CUX1: variants seen among roughly 807,000 people sequenced by gnomAD.
The protein encoded by CUX1 is protein CASP.
CUX1 carries 31 observed loss-of-function variants against 158.8 expected under a neutral mutation model. That is an observed-to-expected ratio of 0.20 (90% confidence interval 0.15 to 0.26). The LOEUF (loss-of-function observed/expected upper bound fraction) is 0.26, where lower values mean the gene tolerates loss of function less well. CUX1 is among the 10% of genes least tolerant of loss of function. The pLI is 1.00. For synonymous variants in CUX1, 879 were observed against 862.1 expected, an observed-to-expected ratio of 1.02 and a Z score of -0.34; for missense variants, 1,589 against 2,014.6, an observed-to-expected ratio of 0.79 and a Z score of 4.04.
At chr7:102,109,030 A>G (rs1293558531) in intron 6 of CUX1, among the ~76,000 whole-genome samples, 1 of 152,188 alleles carries the variant, frequency 6.6e-6, no homozygotes, top group Non-Finnish European at 1.5e-5. Flanking sequence ...CTGGGATTAC[A>G]GGCGTCATTC....
intron 3 of CUX1, among the ~76,000 whole-genome samples, chr7:102,063,098 C>T (rs751803621): frequency 2.0e-5 from 3 of 147,928 alleles, no homozygotes; most frequent in Non-Finnish European, 4.4e-5. Context: ...AGCGAGATTC[C>T]GTCTCTAAAT....
chr7:102,016,682 C>T (rs1818631597), intron 2 of CUX1, among the ~76,000 whole-genome samples: 1 of 152,140 alleles, frequency 6.6e-6, no homozygotes, highest in Non-Finnish European at 1.5e-5. Flanking sequence ...ATAAGTACTC[C>T]CCTGGTGTCG....
intron 1 of CUX1, among the ~76,000 whole-genome samples, chr7:101,840,512 T>A (rs1005766417): frequency 1.3e-5 from 2 of 152,238 alleles, no homozygotes; most frequent in Non-Finnish European, 2.9e-5. Flanking sequence ...TATCCTTTAG[T>A]TTATGAATGT....
chr7:102,047,762 A>G (rs1387708976), intron 3 of CUX1, among the ~76,000 whole-genome samples: 2 of 152,190 alleles, frequency 1.3e-5, no homozygotes, highest in Admixed American at 1.3e-4. Flanking sequence ...TATTTTCTGC[A>G]GATCTCCCTT....
chr7:102,118,785 T>C (rs1012247873), intron 8 of CUX1, among the ~76,000 whole-genome samples: 2 of 152,178 alleles, frequency 1.3e-5, no homozygotes, highest in African/African-American at 4.8e-5. Context: ...GGAATCTTGC[T>C]CTGTCGTCTA....
chr7:102,181,869 C>T (rs533930474), intron 11 of CUX1, among the ~76,000 whole-genome samples: 10 of 152,242 alleles, frequency 6.6e-5, no homozygotes, highest in South Asian at 4.1e-4. Flanking sequence ...TAATGTATAG[C>T]CTCAAATATA....
intron 6 of CUX1, among the ~76,000 whole-genome samples, chr7:102,104,706 A>G (rs1830151594): frequency 6.6e-6 from 1 of 152,100 alleles, no homozygotes; most frequent in African/African-American, 2.4e-5. Flanking sequence ...CATGACCAAC[A>G]TGGTGAAACC....
chr7:102,253,351 C>T lies in CUX1; in HGVS notation c.*4309C>T, dbSNP rs1380806965. On this transcript the variant is annotated 3_prime_UTR_variant, in exon 24 of 24. Transcript: ENST00000292535. ...CAGTTTACACAGGCTGCAAAGAGAT[C>T]GCTGTGGGCCTCGGCTGACTACTTT... 3.0e-6 allele frequency: 3 copies of T among 985,336 alleles called. No homozygotes were observed. The highest frequency in any genetic ancestry group is 3.5e-5 in the African/African-American group (2 of 57,236). The allele number at this position is 985,336 out of a possible 1,614,324, so 61.0% of individuals were successfully genotyped here.
At chr7:102,282,730 T>C (rs1792178550) in exon 22 of CUX1, 1 of 1,613,560 alleles carries the variant, frequency 6.2e-7, no homozygotes. Context: ...CAAGCTGGCA[T>C]GGAGCGAGAG....
intron 2 of CUX1, among the ~76,000 whole-genome samples, chr7:101,951,204 G>A (rs932387897): frequency 2.6e-5 from 4 of 151,924 alleles, no homozygotes; most frequent in South Asian, 2.1e-4. Context: ...GGTGGCGCAC[G>A]CCTGTGGTCC....
chr7:102,281,401 G>A (rs548226672), intron 20 of CUX1, among the ~76,000 whole-genome samples: 144 of 152,028 alleles, frequency 9.5e-4, no homozygotes, highest in African/African-American at 3.2e-3. Context: ...AGCAGCTCAC[G>A]CCTGTAATCT....
In CUX1 at chr7:102,206,634, C is replaced by T. The variant is rs530891176; in HGVS notation, c.3130+1464C>T. On this transcript the variant is annotated intron_variant, in intron 20 of 23. Coordinates refer to ENST00000292535, the MANE Select transcript of CUX1 (RefSeq NM_181552.4). ...TTGTTAGACCAGGTGCGGTGGCTCA[C>T]GCCTGTAATCCCAACACTTTGGGAG... 5.3e-5 allele frequency among the ~76,000 whole-genome samples: 8 copies of T among 152,268 alleles called. No homozygotes were observed. In the East Asian group the frequency reaches 5.8e-4, roughly 11 times the overall value.
chr7:102,080,571 G>A, intron 4 of CUX1, among the ~76,000 whole-genome samples: 1 of 152,178 alleles, frequency 6.6e-6, no homozygotes, highest in East Asian at 1.9e-4. Flanking sequence ...AGCGCACTGT[G>A]CAAACATGAG....
At chr7:102,057,678 C>A (rs1184378545) in intron 3 of CUX1, among the ~76,000 whole-genome samples, 6 of 152,104 alleles carry the variant, frequency 3.9e-5, no homozygotes, top group Non-Finnish European at 7.3e-5. Context: ...ATTGCTGCAA[C>A]CTCATGATCA....
At chr7:101,902,267 ATCAGCTTCCTCAGTCT>A (rs2131757184) in intron 1 of CUX1, among the ~76,000 whole-genome samples, 1 of 152,326 alleles carries the variant, frequency 6.6e-6, no homozygotes, top group South Asian at 2.1e-4. Context: ...TCATCTGATC[ATCAGCTTCCTCAGTCT>A]GTGAAATGGG....
At chr7:102,183,738 C>T (rs1023505718) in intron 11 of CUX1, among the ~76,000 whole-genome samples, 3 of 152,218 alleles carry the variant, frequency 2.0e-5, no homozygotes, top group Non-Finnish European at 4.4e-5. Context: ...CAGACAGCAC[C>T]ATGTGGAGCC....
intron 6 of CUX1, among the ~76,000 whole-genome samples, chr7:102,105,504 CTT>C (rs781922611): frequency 1.2e-4 from 10 of 85,872 alleles, no homozygotes; most frequent in Admixed American, 1.7e-4. Context: ...CCATATAGAT[CTT>C]TTTTTTTTTT....
chr7:102,222,650 T>C (rs1432779805), intron 20 of CUX1, among the ~76,000 whole-genome samples: 1 of 151,750 alleles, frequency 6.6e-6, no homozygotes, highest in Non-Finnish European at 1.5e-5. Context: ...CGCATGTCGA[T>C]ATGTGGGTTG....
At chr7:101,923,443 C>A (rs1032903904) in intron 2 of CUX1, among the ~76,000 whole-genome samples, 63 of 152,172 alleles carry the variant, frequency 4.1e-4, no homozygotes, top group Admixed American at 8.5e-4. Context: ...CATCCCCAGC[C>A]CTCATCCTGG....
Sources: allele counts gnomAD v4.1 joint callset (sites outside exome capture counted in the v4.1 genomes callset), GRCh38; gene constraint gnomAD v4.1.1; transcripts MANE v1.5; gene names NCBI Gene and HGNC (gene_info 2026-07-23, HGNC 2026-07-21).